The following RAB11FIP4 variants were observed in gnomAD, a reference collection of about 807,000 sequenced individuals.
RAB11FIP4 encodes rab11 family-interacting protein 4.
RAB11FIP4 carries 23 observed loss-of-function variants against 74.3 expected under a neutral mutation model. That is an observed-to-expected ratio of 0.31 (90% CI 0.22 to 0.44). The LOEUF (loss-of-function observed/expected upper bound fraction) is 0.44. Ranked by LOEUF, RAB11FIP4 falls within the 20% of genes least tolerant of loss-of-function variation. The probability of loss-of-function intolerance (pLI) is 1.00; values close to 1 mark genes in which losing one functional copy is unlikely to be tolerated. For missense variants in RAB11FIP4, 630 were observed against 863.9 expected, an observed-to-expected ratio of 0.73 and a Z score of 3.39; for synonymous variants, 360 against 359.9, an observed-to-expected ratio of 1.00 and a Z score of 0.00.
intron 1 of RAB11FIP4, among the ~76,000 whole-genome samples, chr17:31,416,026 G>T (rs1008725271): frequency 6.6e-6 from 1 of 152,194 alleles, no homozygotes; most frequent in Non-Finnish European, 1.5e-5. Flanking sequence ...AGAAACTGAG[G>T]CCCAGAGAGG....
chr17:31,426,109 A>C (rs1240095578), intron 1 of RAB11FIP4, among the ~76,000 whole-genome samples: 1 of 152,176 alleles, frequency 6.6e-6, no homozygotes, highest in East Asian at 1.9e-4. Flanking sequence ...GTAGTGAGTA[A>C]AGCTTCTTTG....
intron 1 of RAB11FIP4, among the ~76,000 whole-genome samples, chr17:31,404,760 C>T (rs1266420664): frequency 6.6e-6 from 1 of 151,992 alleles, no homozygotes; most frequent in East Asian, 1.9e-4. Flanking sequence ...ACCAGACCTG[C>T]GGGAAGGGTG....
At chr17:31,400,144 G>T (rs2070970985) in intron 1 of RAB11FIP4, among the ~76,000 whole-genome samples, 1 of 152,166 alleles carries the variant, frequency 6.6e-6, no homozygotes, top group Admixed American at 6.5e-5. Context: ...AGGGACCTGG[G>T]CTCGCATTCT....
intron 3 of RAB11FIP4, among the ~76,000 whole-genome samples, chr17:31,459,547 C>T (rs994399799): frequency 9.9e-5 from 15 of 152,068 alleles, no homozygotes; most frequent in Admixed American, 9.2e-4. Flanking sequence ...AATAAATGAG[C>T]GCATGTCACT....
At chr17:31,508,687 G>T (rs1324654007) in intron 3 of RAB11FIP4, among the ~76,000 whole-genome samples, 2 of 144,506 alleles carry the variant, frequency 1.4e-5, no homozygotes, top group Non-Finnish European at 3.0e-5. Context: ...GACAGGCTCT[G>T]TCTTTAGATC....
At chr17:31,397,379 G>A (rs553605272) in intron 1 of RAB11FIP4, among the ~76,000 whole-genome samples, 179 of 152,310 alleles carry the variant, frequency 1.2e-3, no homozygotes, top group Non-Finnish European at 2.2e-3. Context: ...GTGGCGGGGG[G>A]TGCAGAATTG....
intron 10 of RAB11FIP4, 133 bp from the exon 11 acceptor site, chr17:31,527,709 T>A: frequency 1.6e-6 from 1 of 643,172 alleles, no homozygotes; most frequent in Non-Finnish European, 2.7e-6. Flanking sequence ...GACATAATAA[T>A]CATATTCTTT....
At chr17:31,488,844 T>C (rs2071952712) in intron 3 of RAB11FIP4, among the ~76,000 whole-genome samples, 1 of 150,828 alleles carries the variant, frequency 6.6e-6, no homozygotes, top group East Asian at 1.9e-4. Context: ...GGCCCGGTGG[T>C]GGGAGCTGTT....
intron 3 of RAB11FIP4, among the ~76,000 whole-genome samples, chr17:31,461,161 CA>C (rs757169131): frequency 1.3e-4 from 19 of 151,962 alleles, no homozygotes; most frequent in Admixed American, 2.0e-4. Flanking sequence ...CTTATAGCCC[CA>C]CCTGTCTGAT....
intron 1 of RAB11FIP4, among the ~76,000 whole-genome samples, chr17:31,427,860 A>C (rs905299468): frequency 2.0e-5 from 3 of 152,160 alleles, no homozygotes; most frequent in African/African-American, 7.2e-5. Context: ...GGGCATTGCT[A>C]TTCTCAGAAG....
intron 3 of RAB11FIP4, among the ~76,000 whole-genome samples, chr17:31,446,379 G>A (rs1022720014): frequency 2.0e-5 from 3 of 152,062 alleles, no homozygotes; most frequent in Non-Finnish European, 4.4e-5. Context: ...GTGTGCGGCC[G>A]AGCGTCCACC....
intron 1 of RAB11FIP4, among the ~76,000 whole-genome samples, chr17:31,419,375 G>A (rs2071177566): frequency 2.0e-5 from 3 of 150,864 alleles, no homozygotes; most frequent in South Asian, 4.2e-4. Flanking sequence ...CTTTGGTCAT[G>A]TTTAGATTAC....
At chr17:31,445,163 T>G (rs928643084) in intron 3 of RAB11FIP4, among the ~76,000 whole-genome samples, 26 of 152,128 alleles carry the variant, frequency 1.7e-4, no homozygotes, top group Non-Finnish European at 1.0e-4. Context: ...GTAGATCACT[T>G]TTACTAAACA....
chr17:31,519,089 A>G (rs544028080), intron 4 of RAB11FIP4, among the ~76,000 whole-genome samples: 5 of 135,068 alleles, frequency 3.7e-5, no homozygotes, highest in Non-Finnish European at 6.1e-5. Context: ...ATCTCAGCTC[A>G]CTGCAACCTC....
chr17:31,447,080 C>T (rs561208637), intron 3 of RAB11FIP4, among the ~76,000 whole-genome samples: 22 of 152,214 alleles, frequency 1.4e-4, no homozygotes, highest in South Asian at 1.2e-3. Flanking sequence ...GTCAGGAGAT[C>T]GAGACCATCC....
At chr17:31,463,021 A>T (rs1288494388) in intron 3 of RAB11FIP4, among the ~76,000 whole-genome samples, 2 of 152,186 alleles carry the variant, frequency 1.3e-5, no homozygotes, top group East Asian at 3.8e-4. Context: ...GGTTCTGATC[A>T]TGAGGCCGCC....
At chr17:31,521,755 G>A (rs2072669673) in intron 5 of RAB11FIP4, 160 bp from the exon 6 acceptor site, 1 of 770,424 alleles carries the variant, frequency 1.3e-6, no homozygotes, top group African/African-American at 1.8e-5. Context: ...TGAGCGTGTT[G>A]GAGAAGGGAT....
intron 3 of RAB11FIP4, among the ~76,000 whole-genome samples, chr17:31,461,852 A>G (rs1441455268): frequency 6.6e-6 from 1 of 152,176 alleles, no homozygotes; most frequent in Admixed American, 6.5e-5. Flanking sequence ...CTGAATGGGA[A>G]TCTGCATTTT....
intron 5 of RAB11FIP4, 102 bp downstream of exon 5, chr17:31,521,462 T>G: frequency 9.8e-7 from 1 of 1,024,684 alleles, no homozygotes; most frequent in South Asian, 1.7e-5. Context: ...CTGGCCCTTT[T>G]CCTTTGTCCT....
Sources: gnomAD v4.1 joint callset for allele counts (sites outside exome capture counted in the v4.1 genomes callset) on GRCh38, gnomAD v4.1.1 for gene constraint, MANE v1.5 for transcripts, NCBI Gene and HGNC (gene_info 2026-07-23, HGNC 2026-07-21) for gene names.